The following GOT2 variants were observed in gnomAD, a reference collection of about 807,000 sequenced individuals.
GOT2 encodes the protein aspartate aminotransferase, mitochondrial.
Under a neutral mutation model 50.0 loss-of-function variants are expected in GOT2, and 17 were observed. That is an observed-to-expected ratio of 0.34 (90% CI 0.23 to 0.51). The LOEUF is 0.51. GOT2 is among the 20% of genes least tolerant of loss of function. The probability of loss-of-function intolerance (pLI) is 0.97; values close to 1 mark genes in which losing one functional copy is unlikely to be tolerated. For missense variants in GOT2, 430 were observed against 559.6 expected, an observed-to-expected ratio of 0.77 and a Z score of 2.34; for synonymous variants, 172 against 204.9, an observed-to-expected ratio of 0.84 and a Z score of 1.37.
At chr16:58,711,123 A>G (rs1179782706) in intron 8 of GOT2, among the ~76,000 whole-genome samples, 2 of 152,108 alleles carry the variant, frequency 1.3e-5, no homozygotes, top group African/African-American at 2.4e-5. Flanking sequence ...ACAATGTACT[A>G]TGAATCTACA....
At chr16:58,714,716 A>G (rs574390211) in intron 8 of GOT2, among the ~76,000 whole-genome samples, 1 of 152,128 alleles carries the variant, frequency 6.6e-6, no homozygotes, top group East Asian at 1.9e-4. Flanking sequence ...TTAAAAAAAA[A>G]CAAAAAACAA....
At chr16:58,727,639 T>C (rs1362541754) in intron 1 of GOT2, among the ~76,000 whole-genome samples, 2 of 152,074 alleles carry the variant, frequency 1.3e-5, no homozygotes, top group African/African-American at 4.8e-5. Flanking sequence ...AGGGCATTAT[T>C]ATGGGATATT....
At chr16:58,718,762 G>C (rs925141018) in intron 4 of GOT2, 74 bp from the exon 5 acceptor site, 2 of 1,269,136 alleles carry the variant, frequency 1.6e-6, no homozygotes, top group African/African-American at 1.5e-5. Context: ...GTTTTATTGA[G>C]AGAACATTTT....
chr16:58,716,209 A>C, intron 7 of GOT2, 30 bp from the exon 8 acceptor site: 1 of 1,602,532 alleles, frequency 6.2e-7, no homozygotes, highest in Non-Finnish European at 8.5e-7. Context: ...CTCGTCTTCT[A>C]CTTCTACTAT....
Position 58,734,130 on chromosome 16 carries a change from C to A in GOT2, c.89+10G>T, listed in dbSNP as rs778088685. 2 of 1,316,818 alleles carry A rather than the reference C, an allele frequency of 1.5e-6. No individual in the cohort carries two copies. The highest frequency in any genetic ancestry group is 1.9e-6 in the Non-Finnish European group (2 of 1,028,044). The allele number at this position is 1,316,818 out of a possible 1,614,324, so 81.6% of individuals were successfully genotyped here. On this transcript the variant is annotated intron_variant, in intron 1 of 9. Transcript: ENST00000245206. ...TCGCCCTGGCTCCATCTCCGTTTCC[C>A]TTGGCTTACCTGGCTCTGGCAGAGG... is the stretch of plus-strand genomic sequence containing the variant.
chr16:58,734,123 C>A lies in GOT2; in HGVS notation c.89+17G>T. 1 of 1,304,904 alleles carries A rather than the reference C, an allele frequency of 7.7e-7. No individual in the cohort carries two copies. Among genetic ancestry groups the A allele is most frequent in the Non-Finnish European group, 9.8e-7 (1 of 1,020,370 alleles). 80.8% of individuals were successfully genotyped at this position (1,304,904 alleles called of 1,614,324 possible). A position where few individuals can be genotyped will look rare whatever the true frequency, so the allele number is the denominator to read the frequency against. ...AGGGCCATCGCCCTGGCTCCATCTC[C>A]GTTTCCCTTGGCTTACCTGGCTCTG... On this transcript the variant is annotated intron_variant, in intron 1 of 9. Transcript: ENST00000245206.
chr16:58,709,396 A>G (rs766007567), intron 9 of GOT2, 21 bp downstream of exon 9: 20 of 1,570,968 alleles, frequency 1.3e-5, no homozygotes, highest in Non-Finnish European at 1.7e-5. Flanking sequence ...GGTCTGCTGC[A>G]GAGAAATCAG....
At chr16:58,713,612 G>T (rs1470648826) in intron 8 of GOT2, among the ~76,000 whole-genome samples, 2 of 152,190 alleles carry the variant, frequency 1.3e-5, no homozygotes, top group Non-Finnish European at 2.9e-5. Context: ...ATGACTAGGG[G>T]AGGTACATAT....
Position 58,718,533 on chromosome 16 carries a change from A to G in GOT2, c.591T>C (p.Asp197=). Residue 197 remains aspartate (D), a synonymous_variant, in exon 5 of 10, where the codon GAT becomes GAC. Transcript: ENST00000245206. ...CGFDFTGAVE[D]ISKIPEQSVL... The stretch of plus-strand genomic sequence containing the variant: ...CCCTGAAAGCCACACTTACTGAAAT[A>G]TCCTCCACAGCGCCTGTGAAGTCAA... 1 of 1,576,030 alleles carries G rather than the reference A, an allele frequency of 6.3e-7. No homozygotes were observed. Among genetic ancestry groups the G allele is most frequent in the Non-Finnish European group, 8.6e-7 (1 of 1,163,188 alleles).
intron 8 of GOT2, among the ~76,000 whole-genome samples, chr16:58,712,851 T>TTTGGGAACCCAAA (rs1421535619): frequency 6.6e-6 from 1 of 152,236 alleles, no homozygotes; most frequent in Non-Finnish European, 1.5e-5. Context: ...GGTTCACGCC[T>TTTGGGAACCCAAA]GTAATCCCAG....
rs368449326 is a variant in GOT2, at chr16:58,719,729, T to C, written c.376-474A>G. Reference sequence around the variant, plus strand: ...GAGACTGTGCCATTGCATTCTAGCATGGGCAAAAGAGTGAGACTCTGTCTC... The same window carrying C: ...GAGACTGTGCCATTGCATTCTAGCACGGGCAAAAGAGTGAGACTCTGTCTC... On this transcript the variant is annotated intron_variant, in intron 3 of 9. Transcript: ENST00000245206. 3.9e-5 allele frequency among the ~76,000 whole-genome samples: 6 copies of C among 152,128 alleles called. No individual in the cohort carries two copies. The East Asian group carries it at 1.2e-3, about 30-fold the overall frequency.
intron 1 of GOT2, among the ~76,000 whole-genome samples, chr16:58,732,434 T>C (rs2044842172): frequency 6.6e-6 from 1 of 152,238 alleles, no homozygotes; most frequent in Non-Finnish European, 1.5e-5. Context: ...GTAAACACCA[T>C]TACACTTGGA....
chr16:58,717,958 A>G (rs1329249251), intron 6 of GOT2, among the ~76,000 whole-genome samples: 1 of 152,240 alleles, frequency 6.6e-6, no homozygotes, highest in East Asian at 1.9e-4. Flanking sequence ...AAGTGCTGGG[A>G]TTACAGGCGT....
intron 1 of GOT2, chr16:58,733,816 A>G (rs1467326339): frequency 6.9e-6 from 2 of 288,026 alleles, no homozygotes; most frequent in East Asian, 5.5e-5. Flanking sequence ...CCCCAGTACT[A>G]TCCGCACCCC....
Position 58,734,202 on chromosome 16 carries a change from G to A in GOT2, c.27C>T (p.Val9=), listed in dbSNP as rs1212027262. MALLHSGR[V]LPGIAAAFHP... ...GGAAGGCGGCGGCGATCCCGGGGAG[G>A]ACGCGGCCGGAGTGCAGCAGGGCCA... The change falls in exon 1 of 10, where the codon GTC becomes GTT. Residue 9 remains valine (V), a synonymous_variant. Transcript: ENST00000245206. The A allele has an allele frequency of 3.0e-6, 4 of 1,336,910 alleles. No homozygotes were observed. The highest frequency in any genetic ancestry group is 3.0e-5 in the African/African-American group (2 of 66,576). The allele number at this position is 1,336,910 out of a possible 1,614,324, so 82.8% of individuals were successfully genotyped here. A position where few individuals can be genotyped will look rare whatever the true frequency, so the allele number is the denominator to read the frequency against.
At chr16:58,723,639 C>G in intron 2 of GOT2, 107 bp downstream of exon 2, 1 of 909,108 alleles carries the variant, frequency 1.1e-6, no homozygotes, top group South Asian at 1.6e-5. Flanking sequence ...AGTGCCAGAA[C>G]TAAAGCCCAG....
At chr16:58,720,145 T>C (rs1416461054) in intron 3 of GOT2, among the ~76,000 whole-genome samples, 1 of 152,226 alleles carries the variant, frequency 6.6e-6, no homozygotes, top group Non-Finnish European at 1.5e-5. Context: ...GAGGTTGCGT[T>C]GAGCTGAGAT....
chr16:58,719,724 T>C (rs551694665), intron 3 of GOT2, among the ~76,000 whole-genome samples: 3 of 152,178 alleles, frequency 2.0e-5, no homozygotes, highest in South Asian at 4.2e-4. Context: ...CATTGCATTC[T>C]AGCATGGGCA....
At chr16:58,709,650 G>T in intron 8 of GOT2, 83 bp from the exon 9 acceptor site, 1 of 1,217,632 alleles carries the variant, frequency 8.2e-7, no homozygotes, top group Non-Finnish European at 1.2e-6. Context: ...TACCTCCCTT[G>T]AGCAGTCCCC....
Sources: allele counts gnomAD v4.1 joint callset (sites outside exome capture counted in the v4.1 genomes callset), GRCh38; gene constraint gnomAD v4.1.1; transcripts MANE v1.5; gene names NCBI Gene and HGNC (gene_info 2026-07-23, HGNC 2026-07-21).